UGT1A8: variants seen among roughly 807,000 people sequenced by gnomAD.
UGT1A8 encodes UDP glucuronosyltransferase family 1 member A8, also known as UDP-glucuronosyltransferase 1A8.
In UGT1A8, 39 loss-of-function variants were observed where a neutral mutation model predicts 45.3. The ratio of observed to expected loss-of-function variants is 0.86; its 90% CI spans 0.67 to 1.12. UGT1A8 has a LOEUF of 1.12. UGT1A8 is among the 50% of genes most tolerant of loss of function. UGT1A8 has a pLI of 0.00. For missense variants in UGT1A8, 719 were observed against 664.9 expected (o/e 1.08, Z -0.90); for synonymous variants, 275 against 249.2 (o/e 1.10, Z -0.97).
intron 1 of UGT1A8, among the ~76,000 whole-genome samples, chr2:233,701,060 T>C (rs1466041569): frequency 3.3e-5 from 5 of 152,358 alleles, no homozygotes; most frequent in African/African-American, 9.6e-5. Flanking sequence ...CATAATTTTT[T>C]ATGGCTGCAT....
At chr2:233,691,618 C>T in intron 1 of UGT1A8, 3 of 985,676 alleles carry the variant, frequency 3.0e-6, no homozygotes, top group Non-Finnish European at 3.6e-6. Context: ...GGACCGCCCT[C>T]AGCAGTGTGG....
intron 1 of UGT1A8, among the ~76,000 whole-genome samples, chr2:233,627,083 A>G (rs183989583): frequency 6.6e-6 from 1 of 152,220 alleles, no homozygotes; most frequent in East Asian, 1.9e-4. Flanking sequence ...GCATTTACAC[A>G]AAACAGTAGA....
At chr2:233,749,490 C>A (rs1026732516) in intron 1 of UGT1A8, among the ~76,000 whole-genome samples, 4 of 151,770 alleles carry the variant, frequency 2.6e-5, no homozygotes, top group Non-Finnish European at 5.9e-5. Flanking sequence ...TCTTGCTATG[C>A]CCCTTAGAGA....
At chr2:233,712,231 G>A (rs2076220383) in intron 1 of UGT1A8, among the ~76,000 whole-genome samples, 1 of 152,202 alleles carries the variant, frequency 6.6e-6, no homozygotes, top group African/African-American at 2.4e-5. Context: ...AACCCACCAT[G>A]GGTCTTTGCT....
intron 1 of UGT1A8, among the ~76,000 whole-genome samples, chr2:233,676,048 A>G (rs1002002761): frequency 6.6e-6 from 1 of 152,212 alleles, no homozygotes; most frequent in African/African-American, 2.4e-5. Flanking sequence ...TGGCCAATTG[A>G]CTAGGTGCCA....
intron 1 of UGT1A8, among the ~76,000 whole-genome samples, chr2:233,758,486 A>G (rs1279862194): frequency 6.6e-6 from 1 of 152,222 alleles, no homozygotes; most frequent in East Asian, 1.9e-4. Flanking sequence ...TAAACTGTGA[A>G]TTTCAGAATT....
chr2:233,651,783 C>CTG (rs2073747367), intron 1 of UGT1A8, among the ~76,000 whole-genome samples: 1 of 152,242 alleles, frequency 6.6e-6, no homozygotes, highest in Admixed American at 6.5e-5. Context: ...GCATCTGTGC[C>CTG]TGTGTGTGTC....
chr2:233,719,298 G>T, intron 1 of UGT1A8: 1 of 1,613,992 alleles, frequency 6.2e-7, no homozygotes, highest in Admixed American at 1.7e-5. Flanking sequence ...CTGTGGGGCG[G>T]TGCTGGCTAA....
chr2:233,682,412 A>G lies in UGT1A8; in HGVS notation c.855+63850A>G, dbSNP rs981967326. On this transcript the variant is annotated intron_variant, in intron 1 of 4. Coordinates refer to ENST00000373450, the MANE Select transcript of UGT1A8 (RefSeq NM_019076.5). ...TGATGCCTGTGGCTTAATTGTTGCCAAATATTTCTCCCTCCCCTCTGTGGT... is the reference window on the plus strand; with the variant it reads ...TGATGCCTGTGGCTTAATTGTTGCCGAATATTTCTCCCTCCCCTCTGTGGT... 2 of 1,613,870 alleles carry G rather than the reference A, an allele frequency of 1.2e-6. No individual in the cohort carries two copies.
chr2:233,643,712 C>T (rs980843036), intron 1 of UGT1A8, among the ~76,000 whole-genome samples: 2 of 152,238 alleles, frequency 1.3e-5, no homozygotes, highest in South Asian at 2.1e-4. Context: ...TGACGTAGTA[C>T]GAGGTTTCAC....
chr2:233,637,567 G>A (rs1254309427), intron 1 of UGT1A8, among the ~76,000 whole-genome samples: 36 of 151,998 alleles, frequency 2.4e-4, no homozygotes, highest in Non-Finnish European at 1.5e-5. Flanking sequence ...CTTCTTGAAA[G>A]TATATGTAAT....
rs547785127 is a variant in UGT1A8, at chr2:233,661,275, A to G, written c.855+42713A>G. On this transcript the variant is annotated intron_variant, in intron 1 of 4. Coordinates refer to ENST00000373450, the MANE Select transcript of UGT1A8 (RefSeq NM_019076.5). ...GTTGATAGGGCACAGAGGACTTCCC[A>G]TGAGGCTGTAAAGAACTTATTTCTC... Among the ~76,000 whole-genome samples, 25 of 152,098 alleles carry G rather than the reference A, an allele frequency of 1.6e-4. 1 individual carries two copies. In the South Asian group the frequency reaches 4.6e-3, roughly 28 times the overall value.
chr2:233,634,006 G>A (rs1575388598), intron 1 of UGT1A8, among the ~76,000 whole-genome samples: 1 of 152,298 alleles, frequency 6.6e-6, no homozygotes, highest in Admixed American at 6.5e-5. Flanking sequence ...CTGGTAGGTT[G>A]TGTCTTTGTT....
At chr2:233,686,948 T>C (rs1195523937) in intron 1 of UGT1A8, among the ~76,000 whole-genome samples, 1 of 152,166 alleles carries the variant, frequency 6.6e-6, no homozygotes, top group Non-Finnish European at 1.5e-5. Flanking sequence ...AGGGAAGCTG[T>C]CAGTAATTAA....
At chr2:233,739,473 G>A (rs1691116225) in intron 1 of UGT1A8, among the ~76,000 whole-genome samples, 1 of 152,214 alleles carries the variant, frequency 6.6e-6, no homozygotes, top group African/African-American at 2.4e-5. Flanking sequence ...CTGAGACCGT[G>A]GGAGCCCATT....
intron 1 of UGT1A8, among the ~76,000 whole-genome samples, chr2:233,655,601 T>A (rs1440620513): frequency 2.0e-5 from 3 of 152,074 alleles, no homozygotes; most frequent in African/African-American, 7.2e-5. Flanking sequence ...AGGGAAACTG[T>A]CTAGTGTGTT....
At chr2:233,713,545 C>T (rs754205672) in intron 1 of UGT1A8, 16 of 1,613,878 alleles carry the variant, frequency 9.9e-6, no homozygotes, top group African/African-American at 1.3e-5. Context: ...TTTAAGGGCA[C>T]ACAGTGTCCA....
chr2:233,702,819 G>A (rs1051674294), intron 1 of UGT1A8, among the ~76,000 whole-genome samples: 1 of 152,164 alleles, frequency 6.6e-6, no homozygotes, highest in Non-Finnish European at 1.5e-5. Flanking sequence ...CCACTTGATT[G>A]TGTTGTATAA....
intron 1 of UGT1A8, among the ~76,000 whole-genome samples, chr2:233,709,579 A>G (rs936977036): frequency 6.6e-6 from 1 of 152,240 alleles, no homozygotes; most frequent in African/African-American, 2.4e-5. Flanking sequence ...AATTCAAAAA[A>G]TATACCAGGA....
Sources: gnomAD v4.1 joint callset for allele counts (sites outside exome capture counted in the v4.1 genomes callset) on GRCh38, gnomAD v4.1.1 for gene constraint, MANE v1.5 for transcripts, NCBI Gene and HGNC (gene_info 2026-07-23, HGNC 2026-07-21) for gene names.